SIK3: variants seen among roughly 807,000 people sequenced by gnomAD.
SIK3 encodes the protein SIK family kinase 3.
Under a neutral mutation model 144.2 loss-of-function variants are expected in SIK3, and 28 were observed. The observed-to-expected ratio is 0.19, with a 90% confidence interval of 0.14 to 0.27. SIK3 has a LOEUF of 0.27. SIK3 is among the 10% of genes least tolerant of loss of function. The pLI is 1.00. For missense variants in SIK3, 1,319 were observed against 1,776.0 expected, an observed-to-expected ratio of 0.74 and a Z score of 4.62; for synonymous variants, 686 against 676.3, an observed-to-expected ratio of 1.01 and a Z score of -0.22.
intron 1 of SIK3, among the ~76,000 whole-genome samples, chr11:117,058,678 G>A (rs1242826311): frequency 1.3e-5 from 2 of 152,118 alleles, no homozygotes; most frequent in East Asian, 3.8e-4. Flanking sequence ...AGGAAAATGT[G>A]GAAAGATTTA....
chr11:116,907,401 C>T (rs904240008), intron 4 of SIK3, among the ~76,000 whole-genome samples: 1 of 152,190 alleles, frequency 6.6e-6, no homozygotes, highest in Admixed American at 6.5e-5. Context: ...AATCCCAGAA[C>T]TTTGGGAGGC....
In SIK3 at chr11:117,034,627, A is replaced by C. The variant is rs75470345; in HGVS notation, c.273+63516T>G. Among the ~76,000 whole-genome samples the C allele has an allele frequency of 9.5e-3, 1,441 of 152,352 alleles. 26 individuals are homozygous for C. Among genetic ancestry groups the C allele is most frequent in the African/African-American group, 0.033 (1,367 of 41,596 alleles). ...GGCTGTTTCCTAAATGTAGTAATGTATAAGTAATCATGCCATGCTCCACAG... is the reference window on the plus strand; with the variant it reads ...GGCTGTTTCCTAAATGTAGTAATGTCTAAGTAATCATGCCATGCTCCACAG... On this transcript the variant is annotated intron_variant, in intron 1 of 24. Transcript: ENST00000445177.
At chr11:117,072,739 A>C (rs1003290800) in intron 1 of SIK3, among the ~76,000 whole-genome samples, 2 of 152,230 alleles carry the variant, frequency 1.3e-5, no homozygotes, top group African/African-American at 2.4e-5. Flanking sequence ...CCCAGCAGAA[A>C]GCCAGTGACT....
chr11:116,888,929 A>G (rs1160947681), intron 6 of SIK3, among the ~76,000 whole-genome samples: 2 of 152,202 alleles, frequency 1.3e-5, no homozygotes, highest in African/African-American at 4.8e-5. Context: ...AGGACCCCCT[A>G]TCTGAAGCCG....
At chr11:116,925,029 C>T (rs535051360) in intron 4 of SIK3, among the ~76,000 whole-genome samples, 5 of 152,158 alleles carry the variant, frequency 3.3e-5, no homozygotes, top group Admixed American at 1.3e-4. Flanking sequence ...ACGGTGGCTC[C>T]CAGCACTTTG....
intron 1 of SIK3, among the ~76,000 whole-genome samples, chr11:117,011,105 G>A (rs1470662067): frequency 6.6e-6 from 1 of 152,140 alleles, no homozygotes; most frequent in Non-Finnish European, 1.5e-5. Flanking sequence ...GGGGGACAGC[G>A]TGAGACCCTG....
intron 1 of SIK3, among the ~76,000 whole-genome samples, chr11:116,974,080 A>G (rs942118342): frequency 6.6e-6 from 1 of 152,242 alleles, no homozygotes; most frequent in Admixed American, 6.5e-5. Context: ...CTGTAAGATA[A>G]TAAGAATAGA....
chr11:116,864,543 G>C (rs1943524862), intron 15 of SIK3: 1 of 152,336 alleles, frequency 6.6e-6, no homozygotes, highest in Admixed American at 6.5e-5. Context: ...TGCTCAACTG[G>C]AACACAGCCA....
intron 1 of SIK3, among the ~76,000 whole-genome samples, chr11:116,974,134 CA>C (rs1305360752): frequency 6.6e-6 from 1 of 152,202 alleles, no homozygotes; most frequent in Non-Finnish European, 1.5e-5. Context: ...ACTGTATCTG[CA>C]ATTTTTCTAC....
chr11:116,942,934 G>C (rs192251218), intron 3 of SIK3, among the ~76,000 whole-genome samples: 13 of 152,292 alleles, frequency 8.5e-5, no homozygotes, highest in East Asian at 3.9e-4. Flanking sequence ...AATCGGGGGG[G>C]AAGTCAGGGC....
At chr11:116,959,177 T>G (rs1241672203) in intron 1 of SIK3, among the ~76,000 whole-genome samples, 8 of 151,934 alleles carry the variant, frequency 5.3e-5, no homozygotes. Flanking sequence ...TAAAAAACTT[T>G]TTAAAAATTA....
chr11:116,898,603 T>G (rs1325426800), intron 4 of SIK3, among the ~76,000 whole-genome samples: 2 of 151,514 alleles, frequency 1.3e-5, no homozygotes, highest in Non-Finnish European at 2.9e-5. Flanking sequence ...AGTGTAAAAG[T>G]GTTCCTATTT....
At chr11:117,059,881 GAACTCTC>G (rs2135950168) in intron 1 of SIK3, among the ~76,000 whole-genome samples, 1 of 152,270 alleles carries the variant, frequency 6.6e-6, no homozygotes, top group South Asian at 2.1e-4. Context: ...AGAACAACAG[GAACTCTC>G]ATTTACTGCT....
chr11:116,970,992 A>G (rs991435757), intron 1 of SIK3, among the ~76,000 whole-genome samples: 4 of 152,178 alleles, frequency 2.6e-5, no homozygotes, highest in Non-Finnish European at 4.4e-5. Flanking sequence ...GGACCATATG[A>G]TAATAAGCAG....
At chr11:116,947,381 G>A (rs1027237486) in intron 3 of SIK3, among the ~76,000 whole-genome samples, 1 of 148,346 alleles carries the variant, frequency 6.7e-6, no homozygotes, top group African/African-American at 2.5e-5. Context: ...AGAAGAATCA[G>A]AAGTTGAACA....
Position 117,037,972 on chromosome 11 carries a change from T to C in SIK3, c.273+60171A>G, listed in dbSNP as rs143190694. 5.0e-4 allele frequency among the ~76,000 whole-genome samples: 76 copies of C among 152,306 alleles called. No homozygotes were observed. The East Asian group carries it at 0.01, about 20-fold the overall frequency. On this transcript the variant is annotated intron_variant, in intron 1 of 24. Coordinates refer to ENST00000445177, the MANE Select transcript of SIK3 (RefSeq NM_001366686.3). ...AAATCATAAAATCATACCACTTTAG[T>C]AGTTCTGAAAAGTTTTATAATGCCT...
At chr11:116,894,295 T>C (rs757743462) in intron 6 of SIK3, among the ~76,000 whole-genome samples, 35 of 152,210 alleles carry the variant, frequency 2.3e-4, no homozygotes, top group Admixed American at 5.9e-4. Context: ...GCTCACCTCA[T>C]GGCTTTAACT....
chr11:116,934,043 C>A (rs77854244), intron 3 of SIK3, among the ~76,000 whole-genome samples: 1 of 152,140 alleles, frequency 6.6e-6, no homozygotes, highest in South Asian at 2.1e-4. Flanking sequence ...GAGGTCTTTC[C>A]TATCTCTATT....
intron 1 of SIK3, among the ~76,000 whole-genome samples, chr11:116,988,385 C>CA (rs11406946): frequency 0.46 from 68,215 of 148,432 alleles, 18,822 homozygotes; most frequent in Non-Finnish European, 0.64. Context: ...GACTCTGACT[C>CA]AAAAAAAAAG....
Sources: allele counts gnomAD v4.1 joint callset (sites outside exome capture counted in the v4.1 genomes callset), GRCh38; gene constraint gnomAD v4.1.1; transcripts MANE v1.5; gene names NCBI Gene and HGNC (gene_info 2026-07-23, HGNC 2026-07-21).